Variants in GALNT13 observed in about 807,000 individuals in gnomAD.
The protein encoded by GALNT13 is polypeptide N-acetylgalactosaminyltransferase 13.
In GALNT13, 28 loss-of-function variants were observed where a neutral mutation model predicts 64.2. The observed-to-expected ratio is 0.44, with a 90% CI of 0.32 to 0.60. GALNT13 has a LOEUF of 0.60. GALNT13 is among the 20% of genes least tolerant of loss of function. The pLI is 0.05. For synonymous variants in GALNT13, 214 were observed against 224.6 expected, an observed-to-expected ratio of 0.95 and a Z score of 0.42; for missense variants, 577 against 669.8, an observed-to-expected ratio of 0.86 and a Z score of 1.53.
chr2:154,221,633 A>G (rs1484583156), intron 4 of GALNT13, among the ~76,000 whole-genome samples: 3 of 152,110 alleles, frequency 2.0e-5, no homozygotes, highest in African/African-American at 7.2e-5. Context: ...GCTTCTAGTA[A>G]CAGATTCCAA....
chr2:153,478,220 G>A, the GALNT13 span: 2 of 1,595,582 alleles, frequency 1.3e-6, no homozygotes, highest in Non-Finnish European at 1.7e-6. Flanking sequence ...CGGTTGCCGC[G>A]GGGGCAGAGG....
At chr2:153,318,582 T>C in the GALNT13 span, among the ~76,000 whole-genome samples, 2 of 143,084 alleles carry the variant, frequency 1.4e-5, no homozygotes, top group Non-Finnish European at 3.2e-5. Context: ...AGAGACAGAA[T>C]GAATGAAATT....
At chr2:153,982,019 G>C (rs995692331) in intron 3 of GALNT13, among the ~76,000 whole-genome samples, 2 of 151,976 alleles carry the variant, frequency 1.3e-5, no homozygotes, top group African/African-American at 4.8e-5. Context: ...ACCACACAAA[G>C]AATGCCCCTC....
the GALNT13 span, among the ~76,000 whole-genome samples, chr2:153,197,474 G>C: frequency 6.6e-6 from 1 of 152,230 alleles, no homozygotes; most frequent in Admixed American, 6.5e-5. Flanking sequence ...TAGCTCCTTA[G>C]GTGTGTGTGC....
intron 2 of GALNT13, among the ~76,000 whole-genome samples, chr2:153,911,369 C>A (rs904166040): frequency 6.6e-6 from 1 of 152,060 alleles, no homozygotes; most frequent in African/African-American, 2.4e-5. Context: ...TTCACCTTGC[C>A]ACTCTGTGTC....
the GALNT13 span, among the ~76,000 whole-genome samples, chr2:153,591,056 G>C: frequency 1.3e-3 from 198 of 152,152 alleles, no homozygotes; most frequent in African/African-American, 4.7e-3. Flanking sequence ...ACAATCTTAT[G>C]TCTAGAATAA....
the GALNT13 span, among the ~76,000 whole-genome samples, chr2:153,390,456 TAAAAAC>T: frequency 2.0e-5 from 3 of 151,338 alleles, no homozygotes; most frequent in African/African-American, 7.3e-5. Context: ...AACTTAAAGT[TAAAAAC>T]AAAAAAAAGA....
the GALNT13 span, among the ~76,000 whole-genome samples, chr2:153,411,669 C>G: frequency 6.6e-6 from 1 of 152,040 alleles, no homozygotes; most frequent in Non-Finnish European, 1.5e-5. Context: ...GATGCTGGAG[C>G]AATAGTAGTA....
the GALNT13 span, among the ~76,000 whole-genome samples, chr2:153,787,726 A>G: frequency 6.6e-6 from 1 of 152,212 alleles, no homozygotes; most frequent in Admixed American, 6.5e-5. Context: ...GACAGACAAA[A>G]TAGGTAGTAT....
At chr2:153,862,461 G>A in the GALNT13 span, among the ~76,000 whole-genome samples, 82 of 152,166 alleles carry the variant, frequency 5.4e-4, no homozygotes, top group Non-Finnish European at 9.4e-4. Flanking sequence ...ATAATACTAT[G>A]TTGTTTATGG....
intron 3 of GALNT13, among the ~76,000 whole-genome samples, chr2:154,011,835 G>T (rs138405814): frequency 1.3e-5 from 2 of 152,128 alleles, no homozygotes; most frequent in Admixed American, 6.5e-5. Flanking sequence ...TTGTCTTTTT[G>T]ATCATTCTTG....
the GALNT13 span, among the ~76,000 whole-genome samples, chr2:153,550,782 ATAAG>A: frequency 2.4e-4 from 36 of 152,356 alleles, 1 homozygote; most frequent in Non-Finnish European, 3.1e-4. Flanking sequence ...TAATTATTAG[ATAAG>A]TAAGTTAAAT....
chr2:153,530,835 T>A, the GALNT13 span, among the ~76,000 whole-genome samples: 43 of 152,142 alleles, frequency 2.8e-4, no homozygotes, highest in Admixed American at 2.7e-3. Flanking sequence ...TGGATACCCA[T>A]ATGCAGAAGA....
chr2:153,596,954 C>A, the GALNT13 span, among the ~76,000 whole-genome samples: 1 of 152,018 alleles, frequency 6.6e-6, no homozygotes, highest in Non-Finnish European at 1.5e-5. Flanking sequence ...TTTTAAATAT[C>A]TGTTATATGG....
At chr2:153,232,610 T>C in the GALNT13 span, among the ~76,000 whole-genome samples, 1 of 152,256 alleles carries the variant, frequency 6.6e-6, no homozygotes, top group African/African-American at 2.4e-5. Context: ...ACAATGCTCA[T>C]AGTCATCAGC....
chr2:154,100,618 GTTTCTAGGT>G (rs1343839448), intron 3 of GALNT13, among the ~76,000 whole-genome samples: 1 of 151,968 alleles, frequency 6.6e-6, no homozygotes, highest in Non-Finnish European at 1.5e-5. Flanking sequence ...AGTCTTTTGG[GTTTCTAGGT>G]ATAAGTTCAT....
At chr2:153,142,071 A>C in the GALNT13 span, among the ~76,000 whole-genome samples, 1 of 152,090 alleles carries the variant, frequency 6.6e-6, no homozygotes, top group East Asian at 1.9e-4. Context: ...GGAAAAATGT[A>C]ATTTCTCACG....
the GALNT13 span, among the ~76,000 whole-genome samples, chr2:153,530,994 A>G: frequency 2.0e-5 from 3 of 152,228 alleles, no homozygotes; most frequent in Admixed American, 6.5e-5. Flanking sequence ...TTTCTTGAGT[A>G]ATACCCCACA....
chr2:153,860,561 A>G, the GALNT13 span, among the ~76,000 whole-genome samples: 1 of 152,046 alleles, frequency 6.6e-6, no homozygotes, highest in Non-Finnish European at 1.5e-5. Context: ...GTTGACTTCT[A>G]TCCATATGCA....
Sources: allele counts gnomAD v4.1 joint callset (sites outside exome capture counted in the v4.1 genomes callset), GRCh38; gene constraint gnomAD v4.1.1; transcripts MANE v1.5; gene names NCBI Gene and HGNC (gene_info 2026-07-23, HGNC 2026-07-21).